ADCY1: variants seen among roughly 807,000 people sequenced by gnomAD.
ADCY1 encodes adenylate cyclase 1, also known as adenylate cyclase type 1.
A neutral mutation model predicts 105.4 loss-of-function variants in ADCY1; 28 were observed. The ratio of observed to expected loss-of-function variants is 0.27; its 90% CI spans 0.20 to 0.36. The LOEUF (loss-of-function observed/expected upper bound fraction) is 0.36. Among genes scored for constraint, ADCY1 ranks in the 10% least tolerant of loss-of-function variants. The pLI is 1.00. For missense variants in ADCY1, 977 were observed against 1,434.2 expected (o/e 0.68, Z 5.15); for synonymous variants, 655 against 623.8 (o/e 1.05, Z -0.75).
chr7:45,704,675 C>T, intron 17 of ADCY1, 59 bp downstream of exon 17: 1 of 1,384,300 alleles, frequency 7.2e-7, no homozygotes, highest in Non-Finnish European at 1.0e-6. Flanking sequence ...CCCTAAACTG[C>T]TCTGGGACCC....
At chr7:45,635,493 A>C (rs1300414656) in intron 4 of ADCY1, among the ~76,000 whole-genome samples, 1 of 150,878 alleles carries the variant, frequency 6.6e-6, no homozygotes. Flanking sequence ...TAATATAAGA[A>C]TTTATTGTTG....
intron 1 of ADCY1, among the ~76,000 whole-genome samples, chr7:45,580,835 C>T (rs926940982): frequency 2.0e-5 from 3 of 152,178 alleles, no homozygotes; most frequent in African/African-American, 7.2e-5. Context: ...GACCACTCAG[C>T]AGGCTGCGGT....
chr7:45,593,546 G>A (rs981161999), intron 2 of ADCY1, among the ~76,000 whole-genome samples: 25 of 152,170 alleles, frequency 1.6e-4, no homozygotes, highest in African/African-American at 4.8e-4. Flanking sequence ...TCTGCTGCGC[G>A]GGGCCTGTGC....
intron 14 of ADCY1, among the ~76,000 whole-genome samples, chr7:45,690,919 T>C (rs184214210): frequency 3.2e-4 from 48 of 152,278 alleles, no homozygotes; most frequent in African/African-American, 1.1e-3. Context: ...AGAATGGACT[T>C]GGGATGAGCT....
intron 14 of ADCY1, among the ~76,000 whole-genome samples, chr7:45,702,774 G>A (rs1785022363): frequency 6.6e-6 from 1 of 152,370 alleles, no homozygotes; most frequent in African/African-American, 2.4e-5. Context: ...TCCCCATGGT[G>A]GGACCCTTTG....
rs1562719967 is a variant in ADCY1 at position 45,678,067 on chromosome 7, A to G, written c.1800+4A>G. On this transcript the variant is annotated splice_donor_region_variant and intron_variant, in intron 9 of 19. Transcript: ENST00000297323. The stretch of plus-strand genomic sequence containing the variant: ...ACATGTCGAACGGGAGCAAAAGGTA[A>G]GCAACTCTGGTTTTCGGCTTCCCTG... 1 of 1,613,946 alleles carries G rather than the reference A, an allele frequency of 6.2e-7. No individual in the cohort carries two copies. Among genetic ancestry groups the G allele is most frequent in the Non-Finnish European group, 8.5e-7 (1 of 1,179,882 alleles).
chr7:45,576,442 G>T (rs779252024), intron 1 of ADCY1, among the ~76,000 whole-genome samples: 2 of 152,134 alleles, frequency 1.3e-5, no homozygotes, highest in Non-Finnish European at 2.9e-5. Flanking sequence ...TGCTCAACCC[G>T]TGGGCAGGGG....
chr7:45,679,565 G>C, intron 10 of ADCY1, 144 bp from the exon 11 acceptor site: 1 of 770,772 alleles, frequency 1.3e-6, no homozygotes, highest in South Asian at 1.7e-5. Context: ...CCAGAGACCT[G>C]AGTGGCAGGC....
In ADCY1 at chr7:45,574,939, C is replaced by T. The variant is rs959845946; in HGVS notation, c.396C>T (p.Thr132=). 6.8e-6 allele frequency: 11 copies of T among 1,611,918 alleles called. 1 individual carries two copies. The Middle Eastern group carries it at 5.0e-4, about 73-fold the overall frequency. ...AGCTGGCGCTGCTCTTCAGCCTCACCTTCGCGCTGCTCTGCTGTCCTTTCG... is the reference window on the plus strand; with the variant it reads ...AGCTGGCGCTGCTCTTCAGCCTCACTTTCGCGCTGCTCTGCTGTCCTTTCG... The part of the protein sequence containing the change: ...VGQLALLFSL[T]FALLCCPFAL... Residue 132 remains threonine, a synonymous_variant, in exon 1 of 20, where the codon ACC becomes ACT. Coordinates refer to ENST00000297323, the MANE Select transcript of ADCY1 (RefSeq NM_021116.4). This position sits in a 1 kb window ranked among gnomAD's most constrained non-coding sequence, Gnocchi z 7.0.
chr7:45,624,829 T>C (rs531288362), intron 4 of ADCY1, among the ~76,000 whole-genome samples: 77 of 152,320 alleles, frequency 5.1e-4, no homozygotes, highest in Middle Eastern at 3.4e-3. Flanking sequence ...TGGCCCCACC[T>C]GGGCCTTTTC....
chr7:45,593,922 G>T (rs1792998164), intron 2 of ADCY1, among the ~76,000 whole-genome samples: 1 of 152,230 alleles, frequency 6.6e-6, no homozygotes, highest in Non-Finnish European at 1.5e-5. Context: ...AGGAGGGCGT[G>T]TCCATGTGGA....
At chr7:45,678,378 C>G in intron 10 of ADCY1, 115 bp downstream of exon 10, 1 of 978,864 alleles carries the variant, frequency 1.0e-6, no homozygotes. Flanking sequence ...CAAGCTTCGT[C>G]TCCCACAGTT....
In ADCY1 at chr7:45,660,171, C is replaced by G. The variant is rs1234321516; in HGVS notation, c.1437C>G (p.Ser479=). The G allele has an allele frequency of 1.2e-6, 2 of 1,614,084 alleles. No homozygotes were observed. The highest frequency in any genetic ancestry group is 1.7e-6 in the Non-Finnish European group (2 of 1,180,032). ...TCGAAACCTTTTTTATTGTGCCATCCCATCGCCGAAAGGTAGGCACCAGAG... is the reference window on the plus strand; with the variant it reads ...TCGAAACCTTTTTTATTGTGCCATCGCATCGCCGAAAGGTAGGCACCAGAG... The part of the protein sequence containing the change: ...HNIETFFIVP[S]HRRKIFPGLI... The change falls in exon 7 of 20, where the codon TCC becomes TCG. Residue 479 remains serine (S), a synonymous_variant. Coordinates refer to ENST00000297323, the MANE Select transcript of ADCY1 (RefSeq NM_021116.4).
chr7:45,686,553 T>G lies in ADCY1; in HGVS notation c.2334T>G (p.Gly778=). 7 of 1,610,622 alleles carry G rather than the reference T, an allele frequency of 4.3e-6. No homozygotes were observed. Among genetic ancestry groups the G allele is most frequent in the Non-Finnish European group, 5.9e-6 (7 of 1,177,862 alleles). ...CTTCCTCATCTTCCCCCAGGGGTGG[T>G]GCCGTCTCCGGGCGCAGCTACGAGC... ...ELSGYTRTGG[G]AVSGRSYEPI... is the part of the protein sequence containing the mutation. The change falls in exon 14 of 20, where the codon GGT becomes GGG. Residue 778 remains glycine, a synonymous_variant. Transcript: ENST00000297323. This position sits in a 1 kb window ranked among gnomAD's most constrained non-coding sequence, Gnocchi z 4.3.
chr7:45,606,095 G>T (rs1284542977), intron 2 of ADCY1, among the ~76,000 whole-genome samples: 1 of 152,230 alleles, frequency 6.6e-6, no homozygotes, highest in Non-Finnish European at 1.5e-5. Context: ...CTGGGCAGGA[G>T]TGAGAGTTCT....
intron 8 of ADCY1, among the ~76,000 whole-genome samples, chr7:45,663,561 C>T (rs1363669540): frequency 6.6e-6 from 1 of 152,184 alleles, no homozygotes; most frequent in Non-Finnish European, 1.5e-5. Flanking sequence ...GGGCTCATGC[C>T]TCTAATCCCA....
intron 3 of ADCY1, among the ~76,000 whole-genome samples, chr7:45,621,062 G>A (rs1319500516): frequency 6.6e-6 from 1 of 152,064 alleles, no homozygotes; most frequent in East Asian, 1.9e-4. Context: ...GGGCAGTGAG[G>A]TTTGTTCAAA....
intron 2 of ADCY1, among the ~76,000 whole-genome samples, chr7:45,606,500 A>G (rs983721453): frequency 2.0e-5 from 3 of 152,176 alleles, no homozygotes; most frequent in Non-Finnish European, 4.4e-5. Context: ...CCACTTCTCA[A>G]GCACTCAGTC....
chr7:45,703,694 T>C lies in ADCY1; in HGVS notation c.2666T>C (p.Met889Thr). The C allele has an allele frequency of 1.2e-6, 2 of 1,611,514 alleles. No individual in the cohort carries two copies. Among genetic ancestry groups the C allele is most frequent in the Non-Finnish European group, 1.7e-6 (2 of 1,178,654 alleles). ...TACATCGAGCTGGACGGCAACAACA[T>C]GGGGGTGGAGTGTCTGCGGCTTCTC... is the stretch of plus-strand genomic sequence containing the variant. ...DFYIELDGNNMGVECLRLLNE... is the reference protein window; with the variant it reads ...DFYIELDGNNTGVECLRLLNE... The change falls in exon 16 of 20, where the codon ATG becomes ACG. Residue 889 changes from methionine to threonine, a missense_variant. By Grantham distance (81) the Met-to-Thr change is moderately conservative (BLOSUM62 -1). Coordinates refer to ENST00000297323, the MANE Select transcript of ADCY1 (RefSeq NM_021116.4). The surrounding 1 kb of genome is among the most constrained non-coding windows in gnomAD (Gnocchi z 5.9).
Sources: allele counts gnomAD v4.1 joint callset (sites outside exome capture counted in the v4.1 genomes callset), GRCh38; gene constraint gnomAD v4.1.1; non-coding constraint Gnocchi (gnomAD v3.1); transcripts MANE v1.5; gene names NCBI Gene and HGNC (gene_info 2026-07-23, HGNC 2026-07-21).